Variants in NKAIN3 observed in about 807,000 individuals in gnomAD.
The protein encoded by NKAIN3 is sodium/potassium-transporting ATPase subunit beta-1-interacting protein 3.
Under a neutral mutation model 30.2 loss-of-function variants are expected in NKAIN3, and 25 were observed. The observed-to-expected ratio is 0.83, with a 90% CI of 0.60 to 1.16. NKAIN3 has a LOEUF of 1.16. NKAIN3 is among the 50% of genes most tolerant of loss of function. The probability of loss-of-function intolerance (pLI) is 0.00; values close to 1 mark genes in which losing one functional copy is unlikely to be tolerated. For missense variants in NKAIN3, 225 were observed against 254.1 expected (o/e 0.89, Z 0.78); for synonymous variants, 91 against 89.6 (o/e 1.02, Z -0.09).
chr8:62,995,857 A>AT (rs61484191), intron 5 of NKAIN3, among the ~76,000 whole-genome samples: 29,649 of 152,176 alleles, frequency 0.19, 2,991 homozygotes, highest in East Asian at 0.41. Flanking sequence ...AGGTACCCAA[A>AT]CAGCAGCATC....
At chr8:62,922,375 G>A (rs1822306394) in intron 5 of NKAIN3, among the ~76,000 whole-genome samples, 1 of 151,916 alleles carries the variant, frequency 6.6e-6, no homozygotes, top group Non-Finnish European at 1.5e-5. Flanking sequence ...CTCCACCTAA[G>A]AATTTATGAA....
chr8:62,443,703 A>G (rs928271768), intron 1 of NKAIN3, among the ~76,000 whole-genome samples: 5 of 151,618 alleles, frequency 3.3e-5, no homozygotes, highest in Admixed American at 2.0e-4. Context: ...TGGTATTTTA[A>G]CTGCCACCAC....
chr8:62,492,447 G>T (rs1186343562), intron 1 of NKAIN3, among the ~76,000 whole-genome samples: 1 of 151,976 alleles, frequency 6.6e-6, no homozygotes, highest in Non-Finnish European at 1.5e-5. Flanking sequence ...TTATCTTACT[G>T]GATACTATAT....
intron 1 of NKAIN3, among the ~76,000 whole-genome samples, chr8:62,376,955 T>TAA (rs1346721641): frequency 1.3e-5 from 2 of 152,124 alleles, no homozygotes; most frequent in East Asian, 3.8e-4. Flanking sequence ...TTTCTATATA[T>TAA]AACACAAAAT....
At chr8:62,537,562 G>T (rs1808701758) in intron 1 of NKAIN3, among the ~76,000 whole-genome samples, 1 of 151,724 alleles carries the variant, frequency 6.6e-6, no homozygotes, top group South Asian at 2.1e-4. Context: ...GAAGAATCAG[G>T]AAGAGTCTCC....
intron 2 of NKAIN3, 34 bp from the exon 3 acceptor site, chr8:62,589,680 T>C: frequency 1.0e-6 from 1 of 974,766 alleles, no homozygotes. Context: ...CTCCATATTT[T>C]TCTTCTCTTT....
chr8:62,413,288 G>A (rs1286082620), intron 1 of NKAIN3, among the ~76,000 whole-genome samples: 1 of 152,122 alleles, frequency 6.6e-6, no homozygotes, highest in Non-Finnish European at 1.5e-5. Flanking sequence ...CTGTTTTGTT[G>A]CTTTCTCCAG....
At chr8:62,388,972 A>C (rs1817510037) in intron 1 of NKAIN3, among the ~76,000 whole-genome samples, 1 of 152,164 alleles carries the variant, frequency 6.6e-6, no homozygotes. Flanking sequence ...TCTGTGGTAA[A>C]AATGTAAAGA....
chr8:62,677,384 G>C (rs1447346210), intron 3 of NKAIN3, among the ~76,000 whole-genome samples: 1 of 152,188 alleles, frequency 6.6e-6, no homozygotes, highest in Non-Finnish European at 1.5e-5. Context: ...CTCTCTTATA[G>C]AGTATTGGAT....
At chr8:62,493,823 T>C (rs186987682) in intron 1 of NKAIN3, among the ~76,000 whole-genome samples, 24 of 152,266 alleles carry the variant, frequency 1.6e-4, no homozygotes, top group Non-Finnish European at 2.6e-4. Flanking sequence ...ATTTGGCTCT[T>C]GGCTTGTCTG....
At position 62,306,573 on chromosome 8, in the gene NKAIN3, TG is replaced by T. The variant is rs1464136757; in HGVS notation, c.54+57447del. Among the ~76,000 whole-genome samples the T allele has an allele frequency of 5.2e-3, 734 of 140,984 alleles. 34 individuals carry two copies. Among genetic ancestry groups the T allele is most frequent in the African/African-American group, 0.02 (699 of 35,614 alleles). The allele number at this position is 140,984 out of a possible 152,430, so 92.5% of individuals were successfully genotyped here. Reference sequence around the variant, plus strand: ...GTGTGTGTGTGTGTGTGTGTGTGTGTGTGTTGTGTGTGTGTTTAGTTTATGT... The same window carrying T: ...GTGTGTGTGTGTGTGTGTGTGTGTGTTGTTGTGTGTGTGTTTAGTTTATGT... On this transcript the variant is annotated intron_variant, in intron 1 of 6. Transcript: ENST00000623646.
rs182128522 is a variant in NKAIN3, at chr8:62,626,067, T to C, written c.273+36273T>C. Among the ~76,000 whole-genome samples, 229 of 152,220 alleles carry C rather than the reference T, an allele frequency of 1.5e-3. 1 individual carries two copies. The highest frequency in any genetic ancestry group is 5.1e-3 in the African/African-American group (211 of 41,542). ...CTTTATTTTTGAAGAGGCTAGTGTT[T>C]GAGTTCTCTTGCCTCTGAGACATTT... On this transcript the variant is annotated intron_variant, in intron 3 of 6. Transcript: ENST00000623646.
intron 4 of NKAIN3, chr8:62,863,353 G>A: frequency 6.5e-7 from 1 of 1,546,260 alleles, no homozygotes. Context: ...AGTGGTCTCA[G>A]CTGCCGTTCT....
chr8:62,696,184 A>G (rs1029130543), intron 3 of NKAIN3, among the ~76,000 whole-genome samples: 1 of 152,150 alleles, frequency 6.6e-6, no homozygotes, highest in African/African-American at 2.4e-5. Context: ...ATATTTTTCA[A>G]GGGAATCCAT....
At chr8:62,498,638 C>T (rs111449575) in intron 1 of NKAIN3, among the ~76,000 whole-genome samples, 2,559 of 151,942 alleles carry the variant, frequency 0.017, 75 homozygotes, top group African/African-American at 0.059. Flanking sequence ...TGAAAAGTTG[C>T]ATGGCAGAGG....
intron 3 of NKAIN3, among the ~76,000 whole-genome samples, chr8:62,600,339 G>T (rs1442629045): frequency 6.6e-6 from 1 of 151,924 alleles, no homozygotes; most frequent in African/African-American, 2.4e-5. Context: ...CTTTGATCAG[G>T]GGCCTTCTAA....
chr8:62,367,856 A>G (rs1404060568), intron 1 of NKAIN3, among the ~76,000 whole-genome samples: 1 of 152,126 alleles, frequency 6.6e-6, no homozygotes, highest in Non-Finnish European at 1.5e-5. Flanking sequence ...GACTCTGAGA[A>G]CTAGTAAATG....
intron 4 of NKAIN3, chr8:62,857,077 C>T (rs1563596473): frequency 2.2e-6 from 1 of 462,506 alleles, no homozygotes; most frequent in Non-Finnish European, 4.3e-6. Context: ...CGACTCCCAC[C>T]TTTACATGTT....
chr8:62,724,015 T>G lies in NKAIN3; in HGVS notation c.274-22917T>G, dbSNP rs140104182. Among the ~76,000 whole-genome samples, 33 of 152,250 alleles carry G rather than the reference T, an allele frequency of 2.2e-4. 1 individual carries two copies. The Middle Eastern group carries it at 0.014, about 63-fold the overall frequency. The stretch of plus-strand genomic sequence containing the variant: ...GACTTCTTCACATCACTTTGTGTTA[T>G]AGGACTAATGATTTCTTGAGTTATT... On this transcript the variant is annotated intron_variant, in intron 3 of 6. Coordinates refer to ENST00000623646, the MANE Select transcript of NKAIN3 (RefSeq NM_001304533.3).
Sources: gnomAD v4.1 joint callset for allele counts (sites outside exome capture counted in the v4.1 genomes callset) on GRCh38, gnomAD v4.1.1 for gene constraint, MANE v1.5 for transcripts, NCBI Gene and HGNC (gene_info 2026-07-23, HGNC 2026-07-21) for gene names.